The following SNTG1 variants were observed in gnomAD, a reference collection of about 807,000 sequenced individuals.
SNTG1 encodes syntrophin gamma 1, also known as gamma-1-syntrophin.
In SNTG1, 39 loss-of-function variants were observed where a neutral mutation model predicts 74.7. The observed-to-expected ratio is 0.52, with a 90% confidence interval of 0.40 to 0.68. The LOEUF is 0.68. Among genes scored for constraint, SNTG1 ranks in the 30% least tolerant of loss-of-function variants. SNTG1 has a pLI of 0.00. For synonymous variants in SNTG1, 254 were observed against 217.1 expected (o/e 1.17, Z -1.49); for missense variants, 685 against 609.5 (o/e 1.12, Z -1.30).
At chr8:50,181,919 A>G (rs1036431064) in intron 2 of SNTG1, among the ~76,000 whole-genome samples, 2 of 152,198 alleles carry the variant, frequency 1.3e-5, no homozygotes, top group Admixed American at 6.5e-5. Flanking sequence ...AAGAAGGGCC[A>G]ATTGACCAAG....
intron 1 of SNTG1, among the ~76,000 whole-genome samples, chr8:49,969,396 T>A (rs922982312): frequency 0.01 from 1,353 of 134,046 alleles, 24 homozygotes; most frequent in Non-Finnish European, 0.015. Flanking sequence ...TCTTTTTTTT[T>A]TTTTTTTTTT....
intron 5 of SNTG1, among the ~76,000 whole-genome samples, chr8:50,441,865 T>C (rs1197238285): frequency 2.6e-5 from 4 of 152,226 alleles, no homozygotes; most frequent in African/African-American, 7.2e-5. Flanking sequence ...CTGATTTATC[T>C]TCATGGACTT....
At chr8:50,650,623 G>C (rs140458617) in intron 13 of SNTG1, among the ~76,000 whole-genome samples, 3,369 of 152,158 alleles carry the variant, frequency 0.022, 46 homozygotes, top group Middle Eastern at 0.041. Flanking sequence ...AATAATTATA[G>C]GATTCTATAT....
intron 18 of SNTG1, chr8:50,762,573 T>A (rs2095602039): frequency 5.4e-6 from 2 of 373,018 alleles, no homozygotes; most frequent in Non-Finnish European, 5.3e-6. Context: ...GTTCCAAGGA[T>A]GTGCTTCTTG....
chr8:50,507,756 C>T (rs1298913098), intron 9 of SNTG1, among the ~76,000 whole-genome samples: 1 of 151,884 alleles, frequency 6.6e-6, no homozygotes, highest in African/African-American at 2.4e-5. Context: ...CATAAGTATA[C>T]ATGTGCCATG....
chr8:50,154,916 G>T (rs2082204743), intron 1 of SNTG1, among the ~76,000 whole-genome samples: 1 of 152,200 alleles, frequency 6.6e-6, no homozygotes, highest in Non-Finnish European at 1.5e-5. Flanking sequence ...TCATGGCAAT[G>T]TGGCAATGTT....
At chr8:50,714,032 C>T (rs28875312) in intron 17 of SNTG1, among the ~76,000 whole-genome samples, 14,714 of 146,498 alleles carry the variant, frequency 0.1, 2,098 homozygotes, top group African/African-American at 0.32. Flanking sequence ...GCACTCCAGC[C>T]TGGGTGACAG....
chr8:49,991,091 A>G (rs1010908900), intron 1 of SNTG1, among the ~76,000 whole-genome samples: 1 of 152,224 alleles, frequency 6.6e-6, no homozygotes, highest in Non-Finnish European at 1.5e-5. Flanking sequence ...TTACAACTCA[A>G]TAATAAAAAG....
At chr8:50,524,955 CTACCTT>C (rs2130229525) in intron 9 of SNTG1, among the ~76,000 whole-genome samples, 1 of 152,216 alleles carries the variant, frequency 6.6e-6, no homozygotes, top group African/African-American at 2.4e-5. Context: ...TTGTCTACAT[CTACCTT>C]TACCAGAGGA....
At chr8:50,466,952 A>C (rs1293099276) in intron 8 of SNTG1, among the ~76,000 whole-genome samples, 1 of 151,848 alleles carries the variant, frequency 6.6e-6, no homozygotes, top group Non-Finnish European at 1.5e-5. Flanking sequence ...CTTCTGGTAG[A>C]TTTTTTGATA....
intron 4 of SNTG1, among the ~76,000 whole-genome samples, chr8:50,402,706 G>T (rs1483091044): frequency 2.0e-5 from 3 of 152,174 alleles, no homozygotes; most frequent in African/African-American, 7.2e-5. Flanking sequence ...GGACTACTGA[G>T]AGTGGTGCCA....
At chr8:50,325,961 CTT>C (rs60655653) in intron 2 of SNTG1, among the ~76,000 whole-genome samples, 1 of 151,604 alleles carries the variant, frequency 6.6e-6, no homozygotes, top group Non-Finnish European at 1.5e-5. Context: ...TTTTATCATA[CTT>C]TTTTTTGTGT....
At chr8:50,371,346 CA>C (rs566493294) in intron 2 of SNTG1, among the ~76,000 whole-genome samples, 128 of 152,266 alleles carry the variant, frequency 8.4e-4, no homozygotes, top group Admixed American at 4.6e-3. Flanking sequence ...GCCCTGAAGG[CA>C]AAAATAAGTC....
At chr8:50,110,512 G>A (rs2080542514) in intron 1 of SNTG1, among the ~76,000 whole-genome samples, 1 of 152,116 alleles carries the variant, frequency 6.6e-6, no homozygotes, top group Admixed American at 6.6e-5. Context: ...CAAGCCATTT[G>A]TCTTTCAGCT....
chr8:50,326,444 C>T (rs770910600), intron 2 of SNTG1, among the ~76,000 whole-genome samples: 5 of 151,874 alleles, frequency 3.3e-5, no homozygotes, highest in South Asian at 2.1e-4. Flanking sequence ...GAAATCAGCC[C>T]GTTTCACCAA....
rs371170457 is a variant in SNTG1, at chr8:50,139,211, T to G, written c.-102-33350T>G. 1.6e-4 allele frequency among the ~76,000 whole-genome samples: 25 copies of G among 152,346 alleles called. 1 individual carries two copies. The highest frequency in any genetic ancestry group is 5.8e-4 in the African/African-American group (24 of 41,582). On this transcript the variant is annotated intron_variant, in intron 1 of 18. Transcript: ENST00000642720. ...ACTTTTGGCATATAGCAGGGGAAAT[T>G]ATGTTATCAACATTTTAAAAAACAT...
intron 4 of SNTG1, among the ~76,000 whole-genome samples, chr8:50,428,259 A>T (rs2093189137): frequency 6.6e-6 from 1 of 152,192 alleles, no homozygotes; most frequent in Non-Finnish European, 1.5e-5. Context: ...ACAATGAGTT[A>T]TAATGAAGCC....
In SNTG1 at chr8:49,951,463, C is replaced by T. The variant is rs1463169808; in HGVS notation, c.-103+39232C>T. Among the ~76,000 whole-genome samples, 4 of 151,930 alleles carry T rather than the reference C, an allele frequency of 2.6e-5. No individual in the cohort carries two copies. The East Asian group carries it at 7.8e-4, about 30-fold the overall frequency. On this transcript the variant is annotated intron_variant, in intron 1 of 18. Coordinates refer to ENST00000642720, the MANE Select transcript of SNTG1 (RefSeq NM_018967.5). ...GCCCCATCAGATAACCAGGAAATGG[C>T]AGTGCTGTTAATGGGAAACCTGATT...
intron 2 of SNTG1, among the ~76,000 whole-genome samples, chr8:50,351,984 C>A (rs1432794275): frequency 2.0e-5 from 3 of 152,186 alleles, no homozygotes; most frequent in African/African-American, 7.2e-5. Flanking sequence ...AAAGGAGGAA[C>A]ATATCCTGCC....
Sources: allele counts gnomAD v4.1 joint callset (sites outside exome capture counted in the v4.1 genomes callset), GRCh38; gene constraint gnomAD v4.1.1; transcripts MANE v1.5; gene names NCBI Gene and HGNC (gene_info 2026-07-23, HGNC 2026-07-21).